KIF4A: variants seen among roughly 807,000 people sequenced by gnomAD.
The protein encoded by KIF4A is kinesin family member 4A, also known as chromosome-associated kinesin KIF4A.
A neutral mutation model predicts 105.9 loss-of-function variants in KIF4A; 7 were observed. The ratio of observed to expected loss-of-function variants is 0.07; its 90% confidence interval spans 0.04 to 0.12. KIF4A has a LOEUF of 0.12. Ranked by LOEUF, KIF4A falls within the 10% of genes least tolerant of loss-of-function variation. The probability of loss-of-function intolerance (pLI) is 1.00; values close to 1 mark genes in which losing one functional copy is unlikely to be tolerated. For synonymous variants in KIF4A, 281 were observed against 331.3 expected, an observed-to-expected ratio of 0.85 and a Z score of 1.65; for missense variants, 558 against 929.2, an observed-to-expected ratio of 0.60 and a Z score of 5.19.
intron 22 of KIF4A, among the ~76,000 whole-genome samples, chrX:70,397,219 A>T (rs1381508779): frequency 9.2e-6 from 1 of 109,164 alleles, no homozygotes; most frequent in Non-Finnish European, 1.9e-5. Flanking sequence ...AAATACAAAA[A>T]ATTAGCCAGG....
intron 13 of KIF4A, among the ~76,000 whole-genome samples, chrX:70,347,565 G>A (rs1287642963): frequency 1.8e-5 from 2 of 111,779 alleles, no homozygotes; most frequent in Non-Finnish European, 3.8e-5. Flanking sequence ...GTCTCCAAAG[G>A]CCAGTGTTTT....
chrX:70,295,891 T>G (rs1327262939), intron 3 of KIF4A, among the ~76,000 whole-genome samples: 2 of 103,901 alleles, frequency 1.9e-5, no homozygotes, highest in Non-Finnish European at 3.9e-5. Context: ...CACTCCAGCC[T>G]GGGCGGCAGA....
At position 70,347,662 on chromosome X, in the gene KIF4A, AT is replaced by A. The variant is rs949066655; in HGVS notation, c.1431+3688del. ...AGGGAGGAAAGGGTAACCATTATAG[AT>A]TTTTTTTAATCCTTTTTAAGAATGA... On this transcript the variant is annotated intron_variant, in intron 13 of 30. Transcript: ENST00000374403. Among the ~76,000 whole-genome samples, 7 of 110,471 alleles carry A rather than the reference AT, an allele frequency of 6.3e-5. No homozygotes were observed. In the South Asian group the frequency reaches 1.6e-3, roughly 25 times the overall value.
intron 9 of KIF4A, among the ~76,000 whole-genome samples, chrX:70,330,717 A>C (rs1338707601): frequency 1.8e-5 from 2 of 112,143 alleles, no homozygotes; most frequent in African/African-American, 6.5e-5. Flanking sequence ...TCTAGCAGGT[A>C]TAGAGAAAAT....
intron 7 of KIF4A, among the ~76,000 whole-genome samples, chrX:70,305,276 G>A (rs148782060): frequency 5.4e-5 from 6 of 111,136 alleles, no homozygotes; most frequent in African/African-American, 1.3e-4. Context: ...AACCATCACC[G>A]CAATAAATTT....
intron 5 of KIF4A, among the ~76,000 whole-genome samples, chrX:70,300,013 A>G (rs1321031980): frequency 9.0e-6 from 1 of 111,549 alleles, no homozygotes; most frequent in Admixed American, 9.6e-5. Flanking sequence ...GAGTGGGAAA[A>G]TCAGAGGCTG....
intron 11 of KIF4A, among the ~76,000 whole-genome samples, chrX:70,342,871 T>C (rs2085977671): frequency 1.8e-5 from 2 of 112,604 alleles, no homozygotes; most frequent in African/African-American, 6.5e-5. Flanking sequence ...CTTCTTATTC[T>C]ATCCACATAC....
At chrX:70,357,414 G>A (rs2086056446) in intron 15 of KIF4A, among the ~76,000 whole-genome samples, 1 of 112,231 alleles carries the variant, frequency 8.9e-6, no homozygotes, top group African/African-American at 3.2e-5. Context: ...CAACCGTTCT[G>A]GAATCTTCTG....
intron 15 of KIF4A, among the ~76,000 whole-genome samples, chrX:70,362,675 G>C (rs1256009006): frequency 9.2e-6 from 1 of 109,071 alleles, no homozygotes; most frequent in Non-Finnish European, 1.9e-5. Context: ...GGGATTACAG[G>C]CCTGTGCCAC....
At chrX:70,358,640 A>G (rs1029837858) in intron 15 of KIF4A, among the ~76,000 whole-genome samples, 2 of 111,248 alleles carry the variant, frequency 1.8e-5, no homozygotes, top group Non-Finnish European at 3.8e-5. Flanking sequence ...TTTCCTCCAG[A>G]TTTCCTTTCT....
At chrX:70,368,542 C>T (rs770417035) in intron 15 of KIF4A, among the ~76,000 whole-genome samples, 1 of 112,189 alleles carries the variant, frequency 8.9e-6, no homozygotes, top group East Asian at 2.8e-4. Context: ...TGGGTATCAG[C>T]AGCGGAGGCT....
intron 20 of KIF4A, among the ~76,000 whole-genome samples, chrX:70,390,528 T>A (rs1467620572): frequency 8.9e-6 from 1 of 112,001 alleles, no homozygotes; most frequent in Non-Finnish European, 1.9e-5. Context: ...GGAGCTTTTT[T>A]TTCTGTTTCT....
chrX:70,406,561 G>A (rs1215348432), intron 27 of KIF4A, among the ~76,000 whole-genome samples: 1 of 112,213 alleles, frequency 8.9e-6, no homozygotes, highest in Non-Finnish European at 1.9e-5. Flanking sequence ...CCATGGACAG[G>A]CATTACCTAA....
intron 10 of KIF4A, among the ~76,000 whole-genome samples, chrX:70,340,037 A>G (rs1367020265): frequency 3.6e-5 from 4 of 111,043 alleles, no homozygotes; most frequent in African/African-American, 1.3e-4. Flanking sequence ...CTGCATTCAT[A>G]TAGTACCTAT....
rs372550824 is a variant in KIF4A, at chrX:70,322,093, C to T, written c.779-7312C>T. On this transcript the variant is annotated intron_variant, in intron 7 of 30. Coordinates refer to ENST00000374403, the MANE Select transcript of KIF4A (RefSeq NM_012310.5). Reference sequence around the variant, plus strand: ...GCCCATCACCCTGTCACCCTCCCCCCCCAAAGTGGTTTCACCCACTTAGAT... The same window carrying T: ...GCCCATCACCCTGTCACCCTCCCCCTCCAAAGTGGTTTCACCCACTTAGAT... Among the ~76,000 whole-genome samples, 4 of 110,008 alleles carry T rather than the reference C, an allele frequency of 3.6e-5. No individual in the cohort carries two copies. The East Asian group carries it at 8.6e-4, about 24-fold the overall frequency.
chrX:70,386,724 G>A lies in KIF4A; in HGVS notation c.2118+23G>A, dbSNP rs775185748. ...GAGGTAAGAAAATTCAATCTGCTAG[G>A]TCAAGTGTATTGTCATCTTCAGGTT... On this transcript the variant is annotated intron_variant, in intron 19 of 30. Transcript: ENST00000374403. 2.8e-6 allele frequency: 3 copies of A among 1,079,362 alleles called. No individual in the cohort carries two copies. In the South Asian group the frequency reaches 5.6e-5, roughly 20 times the overall value. 89.0% of individuals were successfully genotyped at this position (1,079,362 alleles called of 1,213,427 possible).
At chrX:70,360,364 C>T (rs1362952475) in intron 15 of KIF4A, among the ~76,000 whole-genome samples, 1 of 112,273 alleles carries the variant, frequency 8.9e-6, no homozygotes, top group Non-Finnish European at 1.9e-5. Flanking sequence ...ACTCTCTAGT[C>T]CTAGACAAGT....
intron 9 of KIF4A, among the ~76,000 whole-genome samples, chrX:70,332,320 A>G (rs1444754911): frequency 2.7e-5 from 3 of 111,818 alleles, no homozygotes; most frequent in Admixed American, 9.5e-5. Flanking sequence ...TTAGAAGAAT[A>G]GAAGGAAAAG....
chrX:70,299,274 A>T (rs902797703), intron 5 of KIF4A, 72 bp downstream of exon 5: 1 of 842,225 alleles, frequency 1.2e-6, no homozygotes, highest in African/African-American at 2.0e-5. Context: ...CATCCCTTTT[A>T]TCTGCCACTG....
Sources: allele counts gnomAD v4.1 joint callset (sites outside exome capture counted in the v4.1 genomes callset), GRCh38; gene constraint gnomAD v4.1.1; transcripts MANE v1.5; gene names NCBI Gene and HGNC (gene_info 2026-07-23, HGNC 2026-07-21).